NDUFAF2: variants seen among roughly 807,000 people sequenced by gnomAD.
The protein encoded by NDUFAF2 is NADH:ubiquinone oxidoreductase complex assembly factor 2, also known as NADH dehydrogenase [ubiquinone] 1 alpha subcomplex assembly factor 2.
In NDUFAF2, 13 loss-of-function variants were observed where a neutral mutation model predicts 22.8. The ratio of observed to expected loss-of-function variants is 0.57; its 90% CI spans 0.37 to 0.91. The LOEUF (loss-of-function observed/expected upper bound fraction) is 0.91. Ranked by LOEUF, NDUFAF2 falls within the 40% of genes least tolerant of loss-of-function variation. The pLI, the probability that NDUFAF2 is intolerant of heterozygous loss-of-function variation, is 0.01. For missense variants in NDUFAF2, 162 were observed against 195.2 expected, an observed-to-expected ratio of 0.83 and a Z score of 1.01; for synonymous variants, 53 against 64.2, an observed-to-expected ratio of 0.83 and a Z score of 0.84.
intron 2 of NDUFAF2, among the ~76,000 whole-genome samples, chr5:61,077,586 G>A (rs1256515238): frequency 2.0e-5 from 3 of 152,164 alleles, no homozygotes; most frequent in Non-Finnish European, 4.4e-5. Flanking sequence ...AGCAGTACTT[G>A]GAGAGGAAAA....
At chr5:61,011,737 G>A (rs961809121) in intron 1 of NDUFAF2, among the ~76,000 whole-genome samples, 4 of 152,002 alleles carry the variant, frequency 2.6e-5, no homozygotes, top group East Asian at 1.9e-4. Context: ...TACTGATAAC[G>A]TTATCATTGG....
chr5:61,022,713 C>G (rs1385900522), intron 1 of NDUFAF2, among the ~76,000 whole-genome samples: 1 of 152,164 alleles, frequency 6.6e-6, no homozygotes, highest in African/African-American at 2.4e-5. Flanking sequence ...GGCGTGATCT[C>G]AGCTCACTGC....
Position 61,009,149 on chromosome 5 carries a change from A to G in NDUFAF2, c.127+63767A>G, listed in dbSNP as rs991845150. Among the ~76,000 whole-genome samples the G allele has an allele frequency of 2.0e-5, 3 of 152,232 alleles. No homozygotes were observed. The East Asian group carries it at 5.8e-4, about 29-fold the overall frequency. ...AAGACAACATTCTGATATTTTCTAC[A>G]TTTTGTAAAAACTCTTTAACAGCGT... On this transcript the variant is annotated intron_variant, in intron 1 of 3. Transcript: ENST00000296597.
chr5:61,001,209 T>C (rs1379590377), intron 1 of NDUFAF2, among the ~76,000 whole-genome samples: 1 of 152,100 alleles, frequency 6.6e-6, no homozygotes, highest in Non-Finnish European at 1.5e-5. Flanking sequence ...GCAATTCCCC[T>C]CAAGGCTTTT....
At chr5:60,986,367 C>T (rs1338414483) in intron 1 of NDUFAF2, among the ~76,000 whole-genome samples, 1 of 152,162 alleles carries the variant, frequency 6.6e-6, no homozygotes, top group Non-Finnish European at 1.5e-5. Context: ...TCCTGAATGA[C>T]TTCTTAGTAA....
chr5:61,019,136 T>G (rs565113155), intron 1 of NDUFAF2, among the ~76,000 whole-genome samples: 1 of 152,190 alleles, frequency 6.6e-6, no homozygotes, highest in Admixed American at 6.5e-5. Flanking sequence ...TACCTTTCAT[T>G]TATAGGGATT....
intron 1 of NDUFAF2, among the ~76,000 whole-genome samples, chr5:61,067,683 G>C (rs1023560665): frequency 6.6e-6 from 1 of 152,108 alleles, no homozygotes; most frequent in African/African-American, 2.4e-5. Context: ...CCAGTAATGG[G>C]ATGGCTGGGT....
chr5:61,029,104 C>G (rs1751692478), intron 1 of NDUFAF2, among the ~76,000 whole-genome samples: 1 of 152,044 alleles, frequency 6.6e-6, no homozygotes, highest in African/African-American at 2.4e-5. Flanking sequence ...ACCCCCAACA[C>G]CTAAATAACA....
chr5:61,037,280 A>G (rs1004364018), intron 1 of NDUFAF2, among the ~76,000 whole-genome samples: 2 of 152,224 alleles, frequency 1.3e-5, no homozygotes, highest in Non-Finnish European at 2.9e-5. Context: ...TTGTAGAGAA[A>G]ACAAAACTTA....
At chr5:61,106,817 A>C (rs1752769948) in intron 3 of NDUFAF2, among the ~76,000 whole-genome samples, 1 of 151,122 alleles carries the variant, frequency 6.6e-6, no homozygotes, top group Non-Finnish European at 1.5e-5. Flanking sequence ...TTTCACTTAA[A>C]ATAATGACCT....
At chr5:61,130,648 G>T (rs549061425) in intron 3 of NDUFAF2, among the ~76,000 whole-genome samples, 1 of 152,198 alleles carries the variant, frequency 6.6e-6, no homozygotes, top group South Asian at 2.1e-4. Context: ...ACTTCTTATA[G>T]TGAAGGGTTT....
intron 1 of NDUFAF2, among the ~76,000 whole-genome samples, chr5:61,044,242 G>C (rs1351639015): frequency 5.3e-5 from 8 of 151,480 alleles, no homozygotes; most frequent in East Asian, 1.9e-4. Flanking sequence ...ATATATTTTG[G>C]ATATTAATCT....
chr5:60,947,221 A>G, intron 1 of NDUFAF2, among the ~76,000 whole-genome samples: 1 of 152,212 alleles, frequency 6.6e-6, no homozygotes, highest in East Asian at 1.9e-4. Flanking sequence ...TGGCTGTACC[A>G]TTTTGTATTC....
rs1281338638 is a variant in NDUFAF2 at position 61,107,982 on chromosome 5, C to T, written c.258+8950C>T. On this transcript the variant is annotated intron_variant, in intron 3 of 3. Transcript: ENST00000296597. ...ATTTCCAATTTCATCCATGTCCCTACAAAGGACATGAACTCATCATTTTTT... is the reference window on the plus strand; with the variant it reads ...ATTTCCAATTTCATCCATGTCCCTATAAAGGACATGAACTCATCATTTTTT... Among the ~76,000 whole-genome samples, 5 of 150,998 alleles carry T rather than the reference C, an allele frequency of 3.3e-5. 1 individual carries two copies. The highest frequency in any genetic ancestry group is 1.2e-4 in the African/African-American group (5 of 40,438).
intron 1 of NDUFAF2, among the ~76,000 whole-genome samples, chr5:61,040,275 C>T (rs113281053): frequency 0.063 from 8,186 of 129,856 alleles, 778 homozygotes; most frequent in African/African-American, 0.23. Flanking sequence ...CACACACACA[C>T]ACACACACAC....
intron 1 of NDUFAF2, among the ~76,000 whole-genome samples, chr5:60,993,793 G>A (rs1461276312): frequency 3.3e-5 from 5 of 152,192 alleles, no homozygotes; most frequent in Admixed American, 2.0e-4. Flanking sequence ...TGTTGTCCTG[G>A]TGTCTGCTCA....
At chr5:60,964,305 T>C (rs1374986883) in intron 1 of NDUFAF2, among the ~76,000 whole-genome samples, 3 of 152,180 alleles carry the variant, frequency 2.0e-5, no homozygotes, top group Admixed American at 6.5e-5. Context: ...AAGATGTATA[T>C]ATTTATGATG....
At chr5:61,002,444 A>G (rs1048361677) in intron 1 of NDUFAF2, among the ~76,000 whole-genome samples, 3 of 152,150 alleles carry the variant, frequency 2.0e-5, no homozygotes, top group African/African-American at 7.2e-5. Flanking sequence ...ATGTAATTCA[A>G]TCTGTAAGTT....
At chr5:60,977,547 A>C (rs947306522) in intron 1 of NDUFAF2, among the ~76,000 whole-genome samples, 2 of 151,980 alleles carry the variant, frequency 1.3e-5, no homozygotes, top group East Asian at 1.9e-4. Flanking sequence ...GGCTGAATAG[A>C]AGCCACCAGG....
Sources: allele counts gnomAD v4.1 joint callset (sites outside exome capture counted in the v4.1 genomes callset), GRCh38; gene constraint gnomAD v4.1.1; transcripts MANE v1.5; gene names NCBI Gene and HGNC (gene_info 2026-07-23, HGNC 2026-07-21).